EIF2AK4: variants seen among roughly 807,000 people sequenced by gnomAD.
EIF2AK4 encodes eukaryotic translation initiation factor 2 alpha kinase 4, also known as eIF-2-alpha kinase GCN2.
In EIF2AK4, 139 loss-of-function variants were observed where a neutral mutation model predicts 211.1. The ratio of observed to expected loss-of-function variants is 0.66; its 90% CI spans 0.57 to 0.76. The LOEUF (loss-of-function observed/expected upper bound fraction) is 0.76. Ranked by LOEUF, EIF2AK4 falls within the 30% of genes least tolerant of loss-of-function variation. The probability of loss-of-function intolerance (pLI) is 0.00; values close to 1 mark genes in which losing one functional copy is unlikely to be tolerated. For missense variants in EIF2AK4, 1,664 were observed against 2,043.8 expected, an observed-to-expected ratio of 0.81 and a Z score of 3.58; for synonymous variants, 710 against 751.3, an observed-to-expected ratio of 0.94 and a Z score of 0.90.
intron 9 of EIF2AK4, 147 bp downstream of exon 9, chr15:39,968,026 A>C (rs1458222672): frequency 1.3e-6 from 1 of 789,466 alleles, no homozygotes; most frequent in South Asian, 1.9e-5. Context: ...TCCTAGTCTC[A>C]TATGTTCTGT....
At position 39,998,764 on chromosome 15, in the gene EIF2AK4, G is replaced by A. The variant is rs768571345; in HGVS notation, c.2902G>A (p.Asp968Asn). The A allele has an allele frequency of 1.3e-5, 21 of 1,612,570 alleles. No homozygotes were observed. The highest frequency in any genetic ancestry group is 7.7e-5 in the South Asian group (7 of 90,828). The change falls in exon 20 of 39, where the codon GAT becomes AAT. Residue 968 changes from aspartate (D) to asparagine (N), a missense_variant. Transcript: ENST00000263791. ...TSPKFPEDFD[D>N]GEHAKQKSVI... Reference sequence around the variant, plus strand: ...GCCTAAGTTTCCAGAAGACTTTGACGATGGAGAGCATGCAAAGCAGGTAAT... The same window carrying A: ...GCCTAAGTTTCCAGAAGACTTTGACAATGGAGAGCATGCAAAGCAGGTAAT...
intron 23 of EIF2AK4, among the ~76,000 whole-genome samples, chr15:40,005,725 C>T (rs981942753): frequency 2.0e-5 from 3 of 151,714 alleles, no homozygotes; most frequent in South Asian, 4.2e-4. Flanking sequence ...GTGCCCGCTA[C>T]CATGCCCGGC....
Position 40,035,216 on chromosome 15 carries a change from T to G in EIF2AK4, c.*132T>G. On this transcript the variant is annotated 3_prime_UTR_variant, in exon 39 of 39. Coordinates refer to ENST00000263791, the MANE Select transcript of EIF2AK4 (RefSeq NM_001013703.4). ...TGGGTGCAGTGGCTCACACCTTTAATCCCAGCACTTTGGGAAGCCAAGGCA... is the reference window on the plus strand; with the variant it reads ...TGGGTGCAGTGGCTCACACCTTTAAGCCCAGCACTTTGGGAAGCCAAGGCA... The G allele has an allele frequency of 1.6e-6, 1 of 632,026 alleles. No homozygotes were observed. The highest frequency in any genetic ancestry group is 2.4e-6 in the Non-Finnish European group (1 of 420,470). 39.2% of individuals were successfully genotyped at this position (632,026 alleles called of 1,614,324 possible). A position where few individuals can be genotyped will look rare whatever the true frequency, so the allele number is the denominator to read the frequency against.
At position 39,935,105 on chromosome 15, in the gene EIF2AK4, G is replaced by T. The variant is rs544771140; in HGVS notation, c.144+766G>T. Among the ~76,000 whole-genome samples the T allele has an allele frequency of 2.0e-5, 3 of 152,284 alleles. No homozygotes were observed. The East Asian group carries it at 5.8e-4, about 29-fold the overall frequency. On this transcript the variant is annotated intron_variant, in intron 1 of 38. Transcript: ENST00000263791. ...AAGAAAGTTTACGAATGCGTGTTGGGCCACATTCAAAGCGGCCCATGGGCC... is the reference window on the plus strand; with the variant it reads ...AAGAAAGTTTACGAATGCGTGTTGGTCCACATTCAAAGCGGCCCATGGGCC...
intron 3 of EIF2AK4, among the ~76,000 whole-genome samples, chr15:39,944,534 C>T (rs965328414): frequency 1.3e-5 from 2 of 149,416 alleles, no homozygotes; most frequent in Non-Finnish European, 2.9e-5. Context: ...CGGGTTCGCG[C>T]CATTCTCCTG....
rs577385282 is a variant in EIF2AK4 at position 39,945,600 on chromosome 15, CCTAAGATAATTGATGAAGGTAG to C, written c.360+2119_360+2140del. ...AGCTTCAGCAAGTTACCCGGAAAAA[CCTAAGATAATTGATGAAGGTAG>C]CTACAGATTTTCAGTGTAGATGAAA... On this transcript the variant is annotated intron_variant, in intron 3 of 38. Transcript: ENST00000263791. 2.1e-3 allele frequency among the ~76,000 whole-genome samples: 319 copies of C among 152,270 alleles called. 1 individual carries two copies. Among genetic ancestry groups the C allele is most frequent in the Non-Finnish European group, 3.4e-3 (229 of 68,030 alleles).
At chr15:39,987,957 A>G in intron 14 of EIF2AK4, 26 bp from the exon 15 acceptor site, 4 of 1,610,632 alleles carry the variant, frequency 2.5e-6, no homozygotes, top group Non-Finnish European at 1.7e-6. Context: ...TGTGTAATCA[A>G]ATTCTCCTGG....
rs927050134 is a variant in EIF2AK4, at chr15:39,959,369, G to A, written c.744-2415G>A. On this transcript the variant is annotated intron_variant, in intron 6 of 38. Coordinates refer to ENST00000263791, the MANE Select transcript of EIF2AK4 (RefSeq NM_001013703.4). ...GAAAACAATAGATATGGATGACATTGCATTTGTCTCTTTATTCCTTCTTTT... is the reference window on the plus strand; with the variant it reads ...GAAAACAATAGATATGGATGACATTACATTTGTCTCTTTATTCCTTCTTTT... Among the ~76,000 whole-genome samples, 4 of 152,288 alleles carry A rather than the reference G, an allele frequency of 2.6e-5. No individual in the cohort carries two copies. The East Asian group carries it at 7.7e-4, about 29-fold the overall frequency.
Position 39,976,751 on chromosome 15 carries a change from C to T in EIF2AK4, c.2156C>T (p.Ala719Val), listed in dbSNP as rs1208417177. 6.3e-7 allele frequency: 1 copy of T among 1,598,996 alleles called. No individual in the cohort carries two copies. The highest frequency in any genetic ancestry group is 8.5e-7 in the Non-Finnish European group (1 of 1,175,718). Residue 719 changes from alanine (A) to valine (V), a missense_variant, in exon 12 of 39, where the codon GCC becomes GTC. Physicochemically the swap from Ala to Val is moderately conservative, Grantham distance 64 (BLOSUM62 0). This residue lies in a region of EIF2AK4 where 206 missense variants were observed against 201.9 expected (regional missense o/e 1.02). Transcript: ENST00000263791. The part of the protein sequence containing the change: ...VEWSTSGERS[A>V]SARFPATGPG... ...TGGAGCACTTCGGGCGAGCGCTCGG[C>T]CAGTGCCCGTTTCCCCGCCACCGGC...
intron 19 of EIF2AK4, among the ~76,000 whole-genome samples, chr15:39,998,270 G>GTTTTTTTTTT (rs11435806): frequency 8.0e-6 from 1 of 125,394 alleles, no homozygotes; most frequent in African/African-American, 3.2e-5. Flanking sequence ...TTTTTTTTTT[G>GTTTTTTTTTT]TTTTGTTTTT....
chr15:40,030,486 C>A, intron 35 of EIF2AK4, 30 bp downstream of exon 35: 1 of 1,571,728 alleles, frequency 6.4e-7, no homozygotes, highest in African/African-American at 1.4e-5. Flanking sequence ...CTTTGGCTTT[C>A]TAATATGAGT....
At chr15:39,983,734 G>A (rs1231705604) in intron 13 of EIF2AK4, among the ~76,000 whole-genome samples, 3 of 152,332 alleles carry the variant, frequency 2.0e-5, no homozygotes, top group African/African-American at 4.8e-5. Context: ...GAGCCACCGC[G>A]CCCGGCCTGG....
At chr15:39,973,862 C>T (rs1158370336) in intron 11 of EIF2AK4, 113 bp downstream of exon 11, 6 of 1,177,244 alleles carry the variant, frequency 5.1e-6, no homozygotes, top group Non-Finnish European at 7.3e-6. Context: ...GTGAATATGG[C>T]TGTTGGATAC....
At position 39,992,161 on chromosome 15, in the gene EIF2AK4, ACT is replaced by A; in HGVS notation, c.2632-13_2632-12del. The A allele has an allele frequency of 2.5e-6, 4 of 1,608,830 alleles. No homozygotes were observed. Among genetic ancestry groups the A allele is most frequent in the Non-Finnish European group, 3.4e-6 (4 of 1,177,482 alleles). On this transcript the variant is annotated splice_polypyrimidine_tract_variant and intron_variant, in intron 16 of 38. Transcript: ENST00000263791. ...CATGTTTTAATTGGATATTTGGCTT[ACT>A]TATATTTTTAGGCTGACAGCAAACA... is the stretch of plus-strand genomic sequence containing the variant.
At chr15:39,938,349 GA>G (rs1446519907) in intron 1 of EIF2AK4, among the ~76,000 whole-genome samples, 1 of 152,146 alleles carries the variant, frequency 6.6e-6, no homozygotes, top group Non-Finnish European at 1.5e-5. Context: ...ATGCTTTATG[GA>G]AGGACCCACA....
rs776939767 is a variant in EIF2AK4 at position 39,967,878 on chromosome 15, AAGTG to A, written c.1553+3_1553+6del. On this transcript the variant is annotated splice_donor_variant and splice_donor_region_variant and coding_sequence_variant and intron_variant, in exon 9 of 39. Coordinates refer to ENST00000263791, the MANE Select transcript of EIF2AK4 (RefSeq NM_001013703.4). LOFTEE classifies it high-confidence loss of function. ...AGCTGACTTTCAAGATTTTCTAAAG[AAGTG>A]AGTATCACTGAGATTCTCTCTAATA... 1.2e-6 allele frequency: 2 copies of A among 1,613,536 alleles called. No homozygotes were observed. Among genetic ancestry groups the A allele is most frequent in the Non-Finnish European group, 1.7e-6 (2 of 1,179,544 alleles).
chr15:40,019,273 A>G lies in EIF2AK4; in HGVS notation c.4173+73A>G, dbSNP rs915699378. On this transcript the variant is annotated intron_variant, in intron 30 of 38. Transcript: ENST00000263791. Reference sequence around the variant, plus strand: ...TCTAAAAGTATGATTTGCCTTTTGCAGTCATTTACATGGGGCTTCTGATGT... The same window carrying G: ...TCTAAAAGTATGATTTGCCTTTTGCGGTCATTTACATGGGGCTTCTGATGT... The G allele has an allele frequency of 1.5e-5, 18 of 1,195,308 alleles. No individual in the cohort carries two copies. The African/African-American group carries it at 2.5e-4, about 17-fold the overall frequency. The allele number at this position is 1,195,308 out of a possible 1,614,324, so 74.0% of individuals were successfully genotyped here.
At chr15:39,948,565 T>A (rs2140901846) in intron 3 of EIF2AK4, among the ~76,000 whole-genome samples, 1 of 152,332 alleles carries the variant, frequency 6.6e-6, no homozygotes, top group South Asian at 2.1e-4. Context: ...ATAAAATACT[T>A]TCTAAGTATT....
chr15:39,943,452 C>T lies in EIF2AK4; in HGVS notation c.327C>T (p.Arg109=). ...SNESVNLLKS[R]LEELAKKHCG... ...AAAGTGTCAATTTGTTAAAATCTCG[C>T]CTAGAAGAACTGGCCAAGAAACACT... Residue 109 remains arginine, a synonymous_variant, in exon 3 of 39, where the codon CGC becomes CGT. Coordinates refer to ENST00000263791, the MANE Select transcript of EIF2AK4 (RefSeq NM_001013703.4). 6.3e-7 allele frequency: 1 copy of T among 1,584,968 alleles called. No individual in the cohort carries two copies. The highest frequency in any genetic ancestry group is 8.5e-7 in the Non-Finnish European group (1 of 1,170,424).
Sources: allele counts gnomAD v4.1 joint callset (sites outside exome capture counted in the v4.1 genomes callset), GRCh38; gene constraint gnomAD v4.1.1; regional missense constraint gnomAD v4.1.1; transcripts MANE v1.5; gene names NCBI Gene and HGNC (gene_info 2026-07-23, HGNC 2026-07-21).